UBL3: variants seen among roughly 807,000 people sequenced by gnomAD.
UBL3 encodes ubiquitin like 3.
Under a neutral mutation model 18.4 loss-of-function variants are expected in UBL3, and 6 were observed. That is an observed-to-expected ratio of 0.33 (90% CI 0.18 to 0.64). UBL3 has a LOEUF of 0.64. Among genes scored for constraint, UBL3 ranks in the 30% least tolerant of loss-of-function variants. The probability of loss-of-function intolerance (pLI) is 0.76; values close to 1 mark genes in which losing one functional copy is unlikely to be tolerated. For synonymous variants in UBL3, 49 were observed against 46.6 expected (o/e 1.05, Z -0.21); for missense variants, 109 against 142.9 (o/e 0.76, Z 1.21).
At chr13:29,827,788 T>A (rs1437839774) in intron 1 of UBL3, among the ~76,000 whole-genome samples, 1 of 152,196 alleles carries the variant, frequency 6.6e-6, no homozygotes, top group African/African-American at 2.4e-5. Context: ...TGGTCTTTAC[T>A]ATTTGGCATG....
intron 1 of UBL3, among the ~76,000 whole-genome samples, chr13:29,825,269 T>A (rs1346737278): frequency 1.3e-5 from 2 of 152,254 alleles, no homozygotes; most frequent in South Asian, 2.1e-4. Context: ...GGGGATGGCA[T>A]TGAATCTATA....
Position 29,767,318 on chromosome 13 carries a change from CGAA to C in UBL3, c.302-14_302-12del. ...CACGATTCCTCTGACCTAGGGAAAA[CGAA>C]GAAGAGCCTCGTTTATAAAAATTCT... On this transcript the variant is annotated splice_polypyrimidine_tract_variant and intron_variant, in intron 4 of 4. Coordinates refer to ENST00000380680, the MANE Select transcript of UBL3 (RefSeq NM_007106.4). 3.7e-6 allele frequency: 6 copies of C among 1,612,794 alleles called. No individual in the cohort carries two copies. The highest frequency in any genetic ancestry group is 4.2e-6 in the Non-Finnish European group (5 of 1,179,230).
At chr13:29,808,425 C>T (rs752901752) in intron 1 of UBL3, among the ~76,000 whole-genome samples, 2 of 152,086 alleles carry the variant, frequency 1.3e-5, no homozygotes, top group African/African-American at 4.8e-5. Context: ...TGTTACCACT[C>T]AACCTTTTGA....
intron 1 of UBL3, among the ~76,000 whole-genome samples, chr13:29,793,062 G>A (rs569280464): frequency 3.9e-5 from 6 of 152,170 alleles, no homozygotes; most frequent in Admixed American, 2.6e-4. Flanking sequence ...AAAACACTTC[G>A]TATTACAATA....
chr13:29,795,524 A>C (rs1055408587), intron 1 of UBL3, among the ~76,000 whole-genome samples: 16 of 151,994 alleles, frequency 1.1e-4, no homozygotes, highest in Admixed American at 1.0e-3. Context: ...ATTAACAATT[A>C]GTAACATTAT....
chr13:29,795,425 TA>T (rs201062878), intron 1 of UBL3, among the ~76,000 whole-genome samples: 2,001 of 152,086 alleles, frequency 0.013, 42 homozygotes, highest in African/African-American at 0.044. Context: ...TGCTAATACA[TA>T]TAACTCTTAC....
chr13:29,789,461 G>A (rs1009119893), intron 1 of UBL3, among the ~76,000 whole-genome samples: 4 of 152,176 alleles, frequency 2.6e-5, no homozygotes, highest in African/African-American at 7.2e-5. Context: ...AGGGAGGAGA[G>A]CTATACCTGT....
intron 1 of UBL3, among the ~76,000 whole-genome samples, chr13:29,797,323 A>C: frequency 6.6e-6 from 1 of 152,198 alleles, no homozygotes; most frequent in Non-Finnish European, 1.5e-5. Flanking sequence ...AGGCTTAGTT[A>C]GTGACTAAAA....
At chr13:29,792,603 G>A (rs1355681665) in intron 1 of UBL3, among the ~76,000 whole-genome samples, 1 of 152,148 alleles carries the variant, frequency 6.6e-6, no homozygotes, top group Non-Finnish European at 1.5e-5. Flanking sequence ...TGTGACTAGT[G>A]ACACTGTCAC....
chr13:29,782,954 T>C (rs1877216873), intron 1 of UBL3, among the ~76,000 whole-genome samples: 1 of 152,202 alleles, frequency 6.6e-6, no homozygotes, highest in East Asian at 1.9e-4. Context: ...TGGCACATAG[T>C]AGTAGGTGCT....
intron 1 of UBL3, among the ~76,000 whole-genome samples, chr13:29,805,538 C>T (rs1877878882): frequency 6.6e-6 from 1 of 152,154 alleles, no homozygotes; most frequent in Admixed American, 6.5e-5. Flanking sequence ...AGAAACATGA[C>T]TATATATGCT....
chr13:29,804,486 T>G (rs973532500), intron 1 of UBL3, among the ~76,000 whole-genome samples: 2 of 151,786 alleles, frequency 1.3e-5, no homozygotes, highest in African/African-American at 4.8e-5. Flanking sequence ...AGAGCTGAAA[T>G]GAAGGAAACT....
intron 1 of UBL3, among the ~76,000 whole-genome samples, chr13:29,797,850 G>C (rs1278154875): frequency 6.6e-6 from 1 of 152,060 alleles, no homozygotes; most frequent in Non-Finnish European, 1.5e-5. Flanking sequence ...ATTTAGGTCT[G>C]TAAATCCATG....
chr13:29,832,015 C>T (rs1378626969), intron 1 of UBL3, among the ~76,000 whole-genome samples: 1 of 152,180 alleles, frequency 6.6e-6, no homozygotes, highest in Admixed American at 6.5e-5. Context: ...TAGCCCAGCA[C>T]GTGGCTACCT....
At chr13:29,833,213 G>C (rs1419014659) in intron 1 of UBL3, among the ~76,000 whole-genome samples, 1 of 150,918 alleles carries the variant, frequency 6.6e-6, no homozygotes, top group East Asian at 1.9e-4. Flanking sequence ...ATTTTCCATA[G>C]ACAAATCTGG....
At chr13:29,833,372 A>AAAAAGACGTCTGGATGGAGATCG (rs1878832646) in intron 1 of UBL3, among the ~76,000 whole-genome samples, 1 of 152,242 alleles carries the variant, frequency 6.6e-6, no homozygotes, top group African/African-American at 2.4e-5. Context: ...GGATCTATCT[A>AAAAAGACGTCTGGATGGAGATCG]GGACACTGGC....
intron 1 of UBL3, among the ~76,000 whole-genome samples, chr13:29,800,905 A>T (rs997586418): frequency 5.3e-5 from 8 of 151,198 alleles, no homozygotes; most frequent in African/African-American, 1.9e-4. Context: ...GGGGACTGAC[A>T]GGGACCCCCC....
rs879853129 is a variant in UBL3, at chr13:29,850,579, G to GGCGGCA, written c.-1047_-1042dup. ...CTGTCATCGCCTCTCAAACCAACAT[G>GGCGGCA]GCGGCAGCGGCGGCGGCGGCGGCTG... On this transcript the variant is annotated 5_prime_UTR_variant, in exon 1 of 5. Coordinates refer to ENST00000380680, the MANE Select transcript of UBL3 (RefSeq NM_007106.4). 0.015 allele frequency: 2,394 copies of GGCGGCA among 155,896 alleles called. 28 individuals carry two copies. Among genetic ancestry groups the GGCGGCA allele is most frequent in the Non-Finnish European group, 0.026 (1,845 of 71,352 alleles). 9.7% of individuals were successfully genotyped at this position (155,896 alleles called of 1,614,324 possible).
intron 1 of UBL3, among the ~76,000 whole-genome samples, chr13:29,818,396 G>A (rs1195379098): frequency 1.3e-5 from 2 of 152,232 alleles, no homozygotes; most frequent in African/African-American, 2.4e-5. Context: ...ATCTTTTACA[G>A]AGCAAAGGAA....
Sources: allele counts gnomAD v4.1 joint callset (sites outside exome capture counted in the v4.1 genomes callset), GRCh38; gene constraint gnomAD v4.1.1; transcripts MANE v1.5; gene names NCBI Gene and HGNC (gene_info 2026-07-23, HGNC 2026-07-21).